The following ANOS1 variants were observed in gnomAD, a reference collection of about 807,000 sequenced individuals.
ANOS1 encodes anosmin 1, also known as anosmin-1.
In ANOS1, 6 loss-of-function variants were observed where a neutral mutation model predicts 59.0. The ratio of observed to expected loss-of-function variants is 0.10; its 90% confidence interval spans 0.06 to 0.20. The LOEUF (loss-of-function observed/expected upper bound fraction) is 0.20. ANOS1 is among the 10% of genes least tolerant of loss of function. The probability of loss-of-function intolerance (pLI) is 1.00; values close to 1 mark genes in which losing one functional copy is unlikely to be tolerated. For synonymous variants in ANOS1, 217 were observed against 223.4 expected (o/e 0.97, Z 0.25); for missense variants, 433 against 542.3 (o/e 0.80, Z 2.00).
At chrX:8,619,647 C>CA (rs1400070370) in intron 3 of ANOS1, among the ~76,000 whole-genome samples, 1 of 111,899 alleles carries the variant, frequency 8.9e-6, no homozygotes, top group African/African-American at 3.2e-5. Context: ...TTACCTCTGA[C>CA]ATTAGCCTAA....
chrX:8,731,693 C>T (rs887706678), intron 1 of ANOS1, 137 bp downstream of exon 1: 235 of 1,061,512 alleles, frequency 2.2e-4, no homozygotes, highest in Non-Finnish European at 2.8e-4. Flanking sequence ...CTGTAAGATC[C>T]ACGCCCAGGG....
chrX:8,632,550 C>T (rs1931505983), intron 2 of ANOS1, among the ~76,000 whole-genome samples: 1 of 111,587 alleles, frequency 9.0e-6, no homozygotes, highest in Non-Finnish European at 1.9e-5. Context: ...TTTTAAAGTG[C>T]CACATTTCTT....
chrX:8,576,454 T>TTATATA (rs534495526), intron 6 of ANOS1, among the ~76,000 whole-genome samples: 10 of 97,631 alleles, frequency 1.0e-4, no homozygotes, highest in African/African-American at 4.0e-4. Flanking sequence ...CATGTGAAAT[T>TTATATA]TATATATATA....
intron 2 of ANOS1, among the ~76,000 whole-genome samples, chrX:8,653,182 T>C (rs1316838862): frequency 6.3e-5 from 7 of 111,688 alleles, no homozygotes; most frequent in African/African-American, 2.3e-4. Context: ...ATACTGAGTA[T>C]AATTCAGTAT....
chrX:8,642,761 C>T (rs1474317605), intron 2 of ANOS1, among the ~76,000 whole-genome samples: 1 of 110,963 alleles, frequency 9.0e-6, no homozygotes. Context: ...TTTGGTCCTC[C>T]CCTCTCCCAC....
At chrX:8,694,770 T>C (rs895102945) in intron 2 of ANOS1, among the ~76,000 whole-genome samples, 4 of 112,661 alleles carry the variant, frequency 3.6e-5, no homozygotes, top group African/African-American at 1.3e-4. Context: ...TGTTTTACAT[T>C]ACTATAGTAA....
intron 3 of ANOS1, among the ~76,000 whole-genome samples, chrX:8,606,312 C>T (rs1404455395): frequency 1.8e-5 from 2 of 111,117 alleles, no homozygotes; most frequent in East Asian, 5.6e-4. Flanking sequence ...AAGTATGAAA[C>T]TAAAATTAAA....
intron 2 of ANOS1, among the ~76,000 whole-genome samples, chrX:8,634,023 C>T (rs891923447): frequency 1.8e-5 from 2 of 111,473 alleles, no homozygotes; most frequent in South Asian, 3.8e-4. Context: ...TAGATGTTGG[C>T]GTTACATCAA....
chrX:8,693,759 G>C (rs1040140388), intron 2 of ANOS1, among the ~76,000 whole-genome samples: 1 of 56,968 alleles, frequency 1.8e-5, no homozygotes, highest in Non-Finnish European at 3.1e-5. Flanking sequence ...TTTTTTTTTA[G>C]ACAGAGTCTC....
At chrX:8,586,606 C>A (rs1355639497) in intron 5 of ANOS1, among the ~76,000 whole-genome samples, 2 of 111,758 alleles carry the variant, frequency 1.8e-5, no homozygotes, top group Non-Finnish European at 3.8e-5. Context: ...TGGTTACTTT[C>A]ATAATTCTTT....
At chrX:8,650,126 C>G (rs748576622) in intron 2 of ANOS1, among the ~76,000 whole-genome samples, 14 of 112,228 alleles carry the variant, frequency 1.2e-4, no homozygotes, top group Non-Finnish European at 2.6e-4. Context: ...GCAACTTTTT[C>G]TGGAGGTTCC....
chrX:8,731,741 T>C (rs1386972166), intron 1 of ANOS1, 89 bp downstream of exon 1: 1 of 1,128,045 alleles, frequency 8.9e-7, no homozygotes, highest in Non-Finnish European at 1.2e-6. Context: ...CCGAGAACTT[T>C]GCGAGCCCAG....
intron 2 of ANOS1, among the ~76,000 whole-genome samples, chrX:8,676,049 A>G (rs1270556102): frequency 9.1e-6 from 1 of 110,453 alleles, no homozygotes; most frequent in Non-Finnish European, 1.9e-5. Flanking sequence ...TTTCATTTTT[A>G]TGGCTGCATA....
At chrX:8,601,027 T>TA (rs1343622888) in intron 3 of ANOS1, among the ~76,000 whole-genome samples, 2 of 108,080 alleles carry the variant, frequency 1.9e-5, no homozygotes, top group African/African-American at 3.4e-5. Flanking sequence ...TGTCTCTACT[T>TA]AAAAAAATAC....
chrX:8,615,297 C>T lies in ANOS1; in HGVS notation c.318+8311G>A, dbSNP rs375817320. The stretch of plus-strand genomic sequence containing the variant: ...CGGTGGCTCACGCCTGTAATTCCAA[C>T]ACTTTGGGAGGCTGAGGCGGGTGGA... On this transcript the variant is annotated intron_variant, in intron 3 of 13. Coordinates refer to ENST00000262648, the MANE Select transcript of ANOS1 (RefSeq NM_000216.4). 4.9e-3 allele frequency among the ~76,000 whole-genome samples: 542 copies of T among 111,394 alleles called. 5 individuals carry two copies. Among genetic ancestry groups the T allele is most frequent in the South Asian group, 0.029 (78 of 2,682 alleles).
chrX:8,666,587 C>A (rs1245353227), intron 2 of ANOS1, among the ~76,000 whole-genome samples: 1 of 111,857 alleles, frequency 8.9e-6, no homozygotes, highest in African/African-American at 3.3e-5. Context: ...TAGTTGGTTA[C>A]AATGAACACT....
chrX:8,652,536 T>C (rs1218285086), intron 2 of ANOS1, among the ~76,000 whole-genome samples: 1 of 111,925 alleles, frequency 8.9e-6, no homozygotes, highest in Non-Finnish European at 1.9e-5. Flanking sequence ...AATGCAAGTA[T>C]TCACATAAGT....
chrX:8,725,649 CAGATATAT>C (rs1932910348), intron 1 of ANOS1, among the ~76,000 whole-genome samples: 2 of 22,645 alleles, frequency 8.8e-5, no homozygotes, highest in African/African-American at 3.4e-4. Flanking sequence ...GATATATATA[CAGATATAT>C]ATATATACAG....
intron 1 of ANOS1, among the ~76,000 whole-genome samples, chrX:8,699,966 T>TTA (rs1932738478): frequency 1.8e-5 from 2 of 112,230 alleles, no homozygotes; most frequent in African/African-American, 6.5e-5. Flanking sequence ...ACATATAAAA[T>TTA]ACTAAAGATT....
Sources: allele counts gnomAD v4.1 joint callset (sites outside exome capture counted in the v4.1 genomes callset), GRCh38; gene constraint gnomAD v4.1.1; transcripts MANE v1.5; gene names NCBI Gene and HGNC (gene_info 2026-07-23, HGNC 2026-07-21).